The following MSN variants were observed in gnomAD, a reference collection of about 807,000 sequenced individuals.
MSN encodes the protein moesin.
In MSN, 2 loss-of-function variants were observed where a neutral mutation model predicts 48.0. The observed-to-expected ratio is 0.04, with a 90% CI of 0.02 to 0.13. MSN has a LOEUF of 0.13. MSN is among the 10% of genes least tolerant of loss of function. The pLI is 1.00. For missense variants in MSN, 267 were observed against 470.1 expected (o/e 0.57, Z 3.99); for synonymous variants, 146 against 166.9 (o/e 0.87, Z 0.97).
chrX:65,594,518 G>A (rs2070172614), intron 1 of MSN, among the ~76,000 whole-genome samples: 1 of 111,025 alleles, frequency 9.0e-6, no homozygotes, highest in African/African-American at 3.3e-5. Context: ...AGGACCTTTG[G>A]GAATTGGTGG....
intron 1 of MSN, among the ~76,000 whole-genome samples, chrX:65,637,004 G>A (rs1283150868): frequency 1.9e-5 from 2 of 105,162 alleles, no homozygotes; most frequent in Non-Finnish European, 2.0e-5. Flanking sequence ...GCAGGAGAAT[G>A]GCGTGAAACC....
intron 1 of MSN, among the ~76,000 whole-genome samples, chrX:65,646,218 T>G (rs2070694145): frequency 8.9e-6 from 1 of 112,110 alleles, no homozygotes; most frequent in Non-Finnish European, 1.9e-5. Flanking sequence ...GTGGCTTCCA[T>G]GTCTGTACTC....
intron 1 of MSN, among the ~76,000 whole-genome samples, chrX:65,624,435 A>G (rs987167562): frequency 2.7e-5 from 3 of 110,070 alleles, no homozygotes; most frequent in African/African-American, 6.7e-5. Flanking sequence ...AAGTTTGTCA[A>G]TTTTGTTGAT....
chrX:65,722,965 G>GT (rs1015049946), intron 2 of MSN, among the ~76,000 whole-genome samples: 16 of 109,908 alleles, frequency 1.5e-4, no homozygotes, highest in African/African-American at 4.0e-4. Context: ...GAGGTAAAGG[G>GT]TTTTTTTTTC....
chrX:65,635,569 T>G (rs1339377341), intron 1 of MSN, among the ~76,000 whole-genome samples: 3 of 111,942 alleles, frequency 2.7e-5, no homozygotes, highest in African/African-American at 9.7e-5. Flanking sequence ...AGCCCTACAC[T>G]CTCTGACTGA....
At position 65,589,236 on chromosome X, in the gene MSN, G is replaced by C. The variant is rs146179760; in HGVS notation, c.-22+624G>C. Among the ~76,000 whole-genome samples the C allele has an allele frequency of 2.0e-4, 19 of 94,719 alleles. No homozygotes were observed. In the East Asian group the frequency reaches 6.6e-3, roughly 33 times the overall value. The allele number at this position is 94,719 out of a possible 115,157, so 82.3% of individuals were successfully genotyped here. On this transcript the variant is annotated intron_variant, in intron 1 of 3. Coordinates refer to the MSN transcript ENST00000609672. The stretch of plus-strand genomic sequence containing the variant: ...CACCCCAGTCCCAAGTTTTCAAAGT[G>C]ATGACAGAAGATTAAGAGACACCCC...
chrX:65,631,701 G>T (rs1479285144), intron 1 of MSN, among the ~76,000 whole-genome samples: 7 of 111,240 alleles, frequency 6.3e-5, no homozygotes, highest in Non-Finnish European at 1.1e-4. Flanking sequence ...TTGAGACAGG[G>T]TCTCACTCTG....
At chrX:65,626,523 C>T (rs2070507607) in intron 1 of MSN, among the ~76,000 whole-genome samples, 1 of 110,985 alleles carries the variant, frequency 9.0e-6, no homozygotes, top group African/African-American at 3.3e-5. Flanking sequence ...TCCCTTGTCA[C>T]GTATGGTCAC....
At position 65,727,849 on chromosome X, in the gene MSN, C is replaced by A; in HGVS notation, c.132C>A (p.Phe44Leu). The change falls in exon 3 of 13, where the codon TTC (phenylalanine) becomes TTA (leucine). Residue 44 changes from phenylalanine to leucine, a missense_variant. Phe to Leu is a conservative substitution (Grantham distance 22). Coordinates refer to ENST00000360270, the MANE Select transcript of MSN (RefSeq NM_002444.3). ...VKTIGLREVW[F>L]FGLQYQDTKG... ...CTATTGGCTTGAGGGAAGTTTGGTT[C>A]TTTGGTCTGCAGTACCAGGACACTA... 1 of 1,211,248 alleles carries A rather than the reference C, an allele frequency of 8.3e-7. No homozygotes were observed. The highest frequency in any genetic ancestry group is 1.1e-6 in the Non-Finnish European group (1 of 895,101).
intron 1 of MSN, chrX:65,716,471 T>G: frequency 3.6e-6 from 1 of 278,648 alleles, no homozygotes; most frequent in Non-Finnish European, 7.0e-6. Flanking sequence ...AGATGGGGTT[T>G]TGCCATGTTA....
chrX:65,695,092 GTGTGTGTGTGTGTGT>G (rs2071218625), intron 1 of MSN, among the ~76,000 whole-genome samples: 1 of 93,096 alleles, frequency 1.1e-5, no homozygotes, highest in African/African-American at 7.5e-5. Context: ...GTGTGTGTGT[GTGTGTGTGTGTGTGT>G]GTGGTGGTGG....
chrX:65,590,840 C>T (rs2070141131), intron 1 of MSN, among the ~76,000 whole-genome samples: 1 of 111,332 alleles, frequency 9.0e-6, no homozygotes, highest in Admixed American at 9.6e-5. Context: ...AGCAGCAGAA[C>T]AACGGTTTTG....
chrX:65,699,665 C>T (rs926082681), intron 1 of MSN, among the ~76,000 whole-genome samples: 2 of 103,097 alleles, frequency 1.9e-5, no homozygotes, highest in Non-Finnish European at 3.9e-5. Context: ...AGGAGAATGG[C>T]GTGAACCCAG....
chrX:65,707,098 T>C (rs919370213), intron 1 of MSN, among the ~76,000 whole-genome samples: 4 of 111,177 alleles, frequency 3.6e-5, no homozygotes, highest in African/African-American at 1.3e-4. Context: ...AAGAGAGGGT[T>C]GCTTATTTGA....
At chrX:65,681,946 A>C (rs900820121) in intron 1 of MSN, among the ~76,000 whole-genome samples, 1 of 111,279 alleles carries the variant, frequency 9.0e-6, no homozygotes, top group Admixed American at 9.6e-5. Context: ...GGAAGTATGC[A>C]GGGAAGTACC....
chrX:65,687,129 G>T (rs1167483458), intron 1 of MSN, among the ~76,000 whole-genome samples: 1 of 111,618 alleles, frequency 9.0e-6, no homozygotes, highest in Non-Finnish European at 1.9e-5. Context: ...GGTGGATCAC[G>T]AGGTCAGGAG....
intron 1 of MSN, among the ~76,000 whole-genome samples, chrX:65,696,824 G>T (rs974117739): frequency 9.0e-6 from 1 of 111,147 alleles, no homozygotes; most frequent in Non-Finnish European, 1.9e-5. Context: ...TTTTAGAGAA[G>T]TTACCTCAAG....
At chrX:65,588,638 G>A in intron 1 of MSN, 2 of 793,312 alleles carry the variant, frequency 2.5e-6, no homozygotes, top group Non-Finnish European at 3.0e-6. Context: ...CTGGCTGAGG[G>A]TTGGGAGAGG....
chrX:65,731,567 A>T (rs1464529610), intron 5 of MSN, among the ~76,000 whole-genome samples: 1 of 110,635 alleles, frequency 9.0e-6, no homozygotes, highest in Non-Finnish European at 1.9e-5. Context: ...GAGAAAGAAA[A>T]TTGCTTCTAT....
Sources: gnomAD v4.1 joint callset for allele counts (sites outside exome capture counted in the v4.1 genomes callset) on GRCh38, gnomAD v4.1.1 for gene constraint, MANE v1.5 for transcripts, NCBI Gene and HGNC (gene_info 2026-07-23, HGNC 2026-07-21) for gene names.